Variants in JAG1 observed in about 807,000 individuals in gnomAD.
JAG1 encodes the protein protein jagged-1.
Under a neutral mutation model 148.7 loss-of-function variants are expected in JAG1, and 23 were observed. That is an observed-to-expected ratio of 0.15 (90% CI 0.11 to 0.22). The LOEUF (loss-of-function observed/expected upper bound fraction) is 0.22. JAG1 is among the 10% of genes least tolerant of loss of function. The pLI, the probability that JAG1 is intolerant of heterozygous loss-of-function variation, is 1.00. For synonymous variants in JAG1, 572 were observed against 598.3 expected (o/e 0.96, Z 0.64); for missense variants, 1,054 against 1,611.2 (o/e 0.65, Z 5.92).
Position 10,641,911 on chromosome 20 carries a change from T to C in JAG1, c.2573-19A>G, listed in dbSNP as rs1290523652. 1.3e-6 allele frequency: 2 copies of C among 1,516,700 alleles called. No individual in the cohort carries two copies. Among genetic ancestry groups the C allele is most frequent in the African/African-American group, 2.7e-5 (2 of 73,080 alleles). The allele number at this position is 1,516,700 out of a possible 1,614,324, so 94.0% of individuals were successfully genotyped here. A position where few individuals can be genotyped will look rare whatever the true frequency, so the allele number is the denominator to read the frequency against. Reference sequence around the variant, plus strand: ...CCTGAAACTGACAGGTGGAGACGGGTGAGCAGTTTATTTTTCTGTGAACCG... The same window carrying C: ...CCTGAAACTGACAGGTGGAGACGGGCGAGCAGTTTATTTTTCTGTGAACCG... On this transcript the variant is annotated intron_variant, in intron 21 of 25. Coordinates refer to ENST00000254958, the MANE Select transcript of JAG1 (RefSeq NM_000214.3).
chr20:10,665,833 A>G (rs1170709957), intron 2 of JAG1, among the ~76,000 whole-genome samples: 1 of 152,198 alleles, frequency 6.6e-6, no homozygotes, highest in Non-Finnish European at 1.5e-5. Flanking sequence ...GCATGGCAGT[A>G]CTAACTCAGT....
chr20:10,650,045 A>C (rs190678704), intron 9 of JAG1, among the ~76,000 whole-genome samples: 1 of 152,302 alleles, frequency 6.6e-6, no homozygotes, highest in Admixed American at 6.5e-5. Flanking sequence ...GAATCCCACG[A>C]CTTTCCCACA....
At chr20:10,666,579 A>G (rs2067455267) in intron 2 of JAG1, among the ~76,000 whole-genome samples, 2 of 152,164 alleles carry the variant, frequency 1.3e-5, no homozygotes, top group Non-Finnish European at 2.9e-5. Flanking sequence ...CAGACTACAG[A>G]ACTAAGACTC....
rs199971175 is a variant in JAG1 at position 10,651,687 on chromosome 20, G to A, written c.1014C>T (p.His338=). Residue 338 remains histidine (H), a synonymous_variant, in exon 8 of 26, where the codon CAC becomes CAT. Transcript: ENST00000254958. ...TGTGACAGGGATCAGAGAGGCAGGC[G>A]TGCTCAGCTGCAAAAACCAGGATGG... ...YSGPNCEIAE[H]ACLSDPCHNR... 2.4e-5 allele frequency: 38 copies of A among 1,610,818 alleles called. No individual in the cohort carries two copies. The highest frequency in any genetic ancestry group is 1.7e-4 in the Middle Eastern group (1 of 6,042).
At chr20:10,649,188 G>T in intron 10 of JAG1, 81 bp from the exon 11 acceptor site, 2 of 946,056 alleles carry the variant, frequency 2.1e-6, no homozygotes, top group Non-Finnish European at 3.4e-6. Flanking sequence ...CTCAGCTCAG[G>T]ATAGATAAGT....
intron 2 of JAG1, among the ~76,000 whole-genome samples, chr20:10,665,090 T>C (rs1375124926): frequency 6.6e-6 from 1 of 152,048 alleles, no homozygotes; most frequent in East Asian, 1.9e-4. Context: ...AACCAAGCCA[T>C]AGGAAATAGA....
At chr20:10,656,307 A>C (rs554667094) in intron 5 of JAG1, 91 bp downstream of exon 5, 1 of 1,055,960 alleles carries the variant, frequency 9.5e-7, no homozygotes, top group Non-Finnish European at 1.5e-6. Flanking sequence ...TTGTTCTCCA[A>C]GGAAAAAAGA....
In JAG1 at chr20:10,638,300, AAATC is replaced by A. The variant is rs1476782671; in HGVS notation, c.*1194_*1197del. The A allele has an allele frequency of 1.3e-4, 20 of 152,766 alleles. No homozygotes were observed. The East Asian group carries it at 3.3e-3, about 25-fold the overall frequency. 9.5% of individuals were successfully genotyped at this position (152,766 alleles called of 1,614,324 possible). ...CCTAAATGCAGTAGATTAAAAAAAAAAATCAAATCTACAAGTGGTTCAGTATTAT... is the reference window on the plus strand; with the variant it reads ...CCTAAATGCAGTAGATTAAAAAAAAAAAATCTACAAGTGGTTCAGTATTAT... On this transcript the variant is annotated 3_prime_UTR_variant, in exon 26 of 26. Coordinates refer to ENST00000254958, the MANE Select transcript of JAG1 (RefSeq NM_000214.3).
chr20:10,670,422 A>G (rs971676901), intron 2 of JAG1, among the ~76,000 whole-genome samples: 1 of 152,208 alleles, frequency 6.6e-6, no homozygotes, highest in Non-Finnish European at 1.5e-5. Flanking sequence ...TTCTGTACTA[A>G]GTTCATTTAT....
Position 10,658,673 on chromosome 20 carries a change from G to A in JAG1, c.489C>T (p.Pro163=), listed in dbSNP as rs376298235. The change falls in exon 4 of 26, where the codon CCC becomes CCT. Residue 163 remains proline, a synonymous_variant. Coordinates refer to ENST00000254958, the MANE Select transcript of JAG1 (RefSeq NM_000214.3). ...GCTTCAGCGTCTGCCACTGCCGGCTGGGGTTGATCATGCCCGAGTGAGAAG... is the reference window on the plus strand; with the variant it reads ...GCTTCAGCGTCTGCCACTGCCGGCTAGGGTTGATCATGCCCGAGTGAGAAG... The part of the protein sequence containing the change: ...EKASHSGMIN[P]SRQWQTLKQN... 4.3e-6 allele frequency: 7 copies of A among 1,614,112 alleles called. No homozygotes were observed. In the Admixed American group the frequency reaches 5.0e-5, roughly 12 times the overall value.
chr20:10,673,216 G>C lies in JAG1; in HGVS notation c.82-210C>G, dbSNP rs2067510682. On this transcript the variant is annotated intron_variant, in intron 1 of 25. Coordinates refer to ENST00000254958, the MANE Select transcript of JAG1 (RefSeq NM_000214.3). The surrounding 1 kb of genome is among the most constrained non-coding windows in gnomAD (Gnocchi z 4.7). ...GCGGAAGAAATCCGACGACTTCCCGGGGGGCAACAGCGGAGCGAACGCGCC... is the reference window on the plus strand; with the variant it reads ...GCGGAAGAAATCCGACGACTTCCCGCGGGGCAACAGCGGAGCGAACGCGCC... Among the ~76,000 whole-genome samples, 1 of 152,060 alleles carries C rather than the reference G, an allele frequency of 6.6e-6. No individual in the cohort carries two copies. Among genetic ancestry groups the C allele is most frequent in the Non-Finnish European group, 1.5e-5 (1 of 68,002 alleles).
At position 10,645,343 on chromosome 20, in the gene JAG1, A is replaced by C. The variant is rs760047938; in HGVS notation, c.2113+13T>G. ...GGTCCCAGAGATAGCATCCAAGGCCAACTACCACTTACGTGAGTGGCAGGT... is the reference window on the plus strand; with the variant it reads ...GGTCCCAGAGATAGCATCCAAGGCCCACTACCACTTACGTGAGTGGCAGGT... On this transcript the variant is annotated intron_variant, in intron 16 of 25. Transcript: ENST00000254958. The surrounding 1 kb of genome is among the most constrained non-coding windows in gnomAD (Gnocchi z 6.1). 5 of 1,611,150 alleles carry C rather than the reference A, an allele frequency of 3.1e-6. No individual in the cohort carries two copies. Among genetic ancestry groups the C allele is most frequent in the Non-Finnish European group, 4.2e-6 (5 of 1,177,436 alleles).
chr20:10,650,389 C>A (rs777717343), intron 8 of JAG1, 29 bp from the exon 9 acceptor site: 2 of 1,219,600 alleles, frequency 1.6e-6, no homozygotes, highest in Admixed American at 1.7e-5. Flanking sequence ...AGGGGGTTGA[C>A]AATTTAATTC....
chr20:10,640,733 A>C, intron 25 of JAG1, 50 bp downstream of exon 25: 1 of 1,584,092 alleles, frequency 6.3e-7, no homozygotes, highest in Non-Finnish European at 8.7e-7. Context: ...TGAATAGTAT[A>C]ATGAGATCAT....
intron 5 of JAG1, among the ~76,000 whole-genome samples, chr20:10,653,167 C>T (rs1314399850): frequency 1.3e-5 from 2 of 151,824 alleles, no homozygotes; most frequent in African/African-American, 2.4e-5. Context: ...TCTCTAAACC[C>T]ACTTCTATAG....
chr20:10,650,139 T>A (rs1291341909), intron 9 of JAG1, 108 bp downstream of exon 9: 1 of 733,148 alleles, frequency 1.4e-6, no homozygotes, highest in Non-Finnish European at 2.5e-6. Flanking sequence ...CTTCTTAGCA[T>A]GATGGAGTGT....
chr20:10,638,813 A>G lies in JAG1; in HGVS notation c.*685T>C, dbSNP rs2067249769. On this transcript the variant is annotated 3_prime_UTR_variant, in exon 26 of 26. Coordinates refer to ENST00000254958, the MANE Select transcript of JAG1 (RefSeq NM_000214.3). The stretch of plus-strand genomic sequence containing the variant: ...AAAACCTTCAATTCTAAACACATAC[A>G]TATAAATAAAAAGGAATGATGTTTT... The G allele has an allele frequency of 6.5e-6, 1 of 152,850 alleles. No homozygotes were observed. The highest frequency in any genetic ancestry group is 2.1e-4 in the South Asian group (1 of 4,842). 9.5% of individuals were successfully genotyped at this position (152,850 alleles called of 1,614,324 possible).
intron 3 of JAG1, chr20:10,662,325 G>C (rs2067423021): frequency 6.6e-6 from 1 of 152,162 alleles, no homozygotes; most frequent in Non-Finnish European, 1.5e-5. Context: ...ACAAGCCCTG[G>C]GTTCCCAGGG....
In JAG1 at chr20:10,641,683, C is replaced by T. The variant is rs1297020738; in HGVS notation, c.2693G>A (p.Gly898Asp). 2 of 1,613,954 alleles carry T rather than the reference C, an allele frequency of 1.2e-6. No homozygotes were observed. The highest frequency in any genetic ancestry group is 2.2e-5 in the South Asian group (2 of 91,072). Residue 898 changes from glycine (G) to aspartate (D), a missense_variant, in exon 23 of 26, where the codon GGC (glycine) becomes GAC (aspartate). By Grantham distance (94) the Gly-to-Asp change is moderately conservative. Coordinates refer to ENST00000254958, the MANE Select transcript of JAG1 (RefSeq NM_000214.3). ...TTTGTGGAGCAGGCAAGGTCGAGGGCCACACCAGACCTGGAGAAAAACAGA... is the reference window on the plus strand; with the variant it reads ...TTTGTGGAGCAGGCAAGGTCGAGGGTCACACCAGACCTGGAGAAAAACAGA... ...GRIACSKVWC[G>D]PRPCLLHKGH... is the part of the protein sequence containing the mutation.
Sources: gnomAD v4.1 joint callset for allele counts (sites outside exome capture counted in the v4.1 genomes callset) on GRCh38, gnomAD v4.1.1 for gene constraint, Gnocchi (gnomAD v3.1) non-coding constraint, MANE v1.5 for transcripts, NCBI Gene and HGNC (gene_info 2026-07-23, HGNC 2026-07-21) for gene names.